The following THSD7A variants were observed in gnomAD, a reference collection of about 807,000 sequenced individuals.
The protein encoded by THSD7A is thrombospondin type-1 domain-containing protein 7A.
THSD7A carries 96 observed loss-of-function variants against 231.3 expected under a neutral mutation model. That is an observed-to-expected ratio of 0.41 (90% confidence interval 0.35 to 0.49). THSD7A has a LOEUF of 0.49. Ranked by LOEUF, THSD7A falls within the 20% of genes least tolerant of loss-of-function variation. The pLI is 0.05. For missense variants in THSD7A, 2,290 were observed against 2,070.2 expected, an observed-to-expected ratio of 1.11 and a Z score of -2.06; for synonymous variants, 940 against 743.3, an observed-to-expected ratio of 1.26 and a Z score of -4.30.
intron 1 of THSD7A, among the ~76,000 whole-genome samples, chr7:11,716,941 T>A (rs1584253842): frequency 6.6e-6 from 1 of 151,550 alleles, no homozygotes; most frequent in Non-Finnish European, 1.5e-5. Context: ...ACGAATACCC[T>A]TTATGAAATA....
chr7:11,806,474 A>G (rs1296228975), intron 1 of THSD7A, among the ~76,000 whole-genome samples: 1 of 152,134 alleles, frequency 6.6e-6, no homozygotes, highest in Non-Finnish European at 1.5e-5. Context: ...TAGTCTACAG[A>G]GCTTAAAAGT....
intron 6 of THSD7A, among the ~76,000 whole-genome samples, chr7:11,531,257 T>C (rs1322180383): frequency 6.6e-6 from 1 of 152,182 alleles, no homozygotes; most frequent in Non-Finnish European, 1.5e-5. Context: ...ATTGGAATTA[T>C]AGCTGAAGCT....
At chr7:11,395,269 T>C (rs1022917163) in intron 23 of THSD7A, among the ~76,000 whole-genome samples, 1 of 152,072 alleles carries the variant, frequency 6.6e-6, no homozygotes, top group Non-Finnish European at 1.5e-5. Context: ...CAAGAACAGC[T>C]AACTATCCCA....
chr7:11,503,205 ATGGGG>A (rs1427222753), intron 6 of THSD7A, among the ~76,000 whole-genome samples: 3 of 152,328 alleles, frequency 2.0e-5, no homozygotes, highest in South Asian at 2.1e-4. Flanking sequence ...AAAACAAGCA[ATGGGG>A]AAAAGACTTC....
In THSD7A at chr7:11,590,759, A is replaced by C. The variant is rs1314414276; in HGVS notation, c.1272-118T>G. On this transcript the variant is annotated intron_variant, in intron 3 of 27. Coordinates refer to ENST00000423059, the MANE Select transcript of THSD7A (RefSeq NM_015204.3). The surrounding 1 kb of genome is among the most constrained non-coding windows in gnomAD (Gnocchi z 4.4). Reference sequence around the variant, plus strand: ...TCAAAATCATTTTCCTAGAGAATCCATCGTAGACTACATCTATGGTGCATA... The same window carrying C: ...TCAAAATCATTTTCCTAGAGAATCCCTCGTAGACTACATCTATGGTGCATA... The C allele has an allele frequency of 8.6e-7, 1 of 1,163,134 alleles. No homozygotes were observed. Among genetic ancestry groups the C allele is most frequent in the African/African-American group, 1.6e-5 (1 of 64,308 alleles). 72.1% of individuals were successfully genotyped at this position (1,163,134 alleles called of 1,614,324 possible). A position where few individuals can be genotyped will look rare whatever the true frequency, so the allele number is the denominator to read the frequency against.
At chr7:11,659,640 A>T (rs1167046732) in intron 1 of THSD7A, among the ~76,000 whole-genome samples, 1 of 151,424 alleles carries the variant, frequency 6.6e-6, no homozygotes, top group Non-Finnish European at 1.5e-5. Context: ...AGGTGGGTAC[A>T]TTCTTGTTAT....
At chr7:11,496,500 C>T (rs893834238) in intron 6 of THSD7A, among the ~76,000 whole-genome samples, 11 of 152,128 alleles carry the variant, frequency 7.2e-5, no homozygotes, top group South Asian at 4.1e-4. Context: ...ACCATATGAC[C>T]TGGGGTTTAG....
Position 11,590,418 on chromosome 7 carries a change from C to G in THSD7A, c.1453+42G>C, listed in dbSNP as rs1562749986. 1 of 1,569,906 alleles carries G rather than the reference C, an allele frequency of 6.4e-7. No individual in the cohort carries two copies. The stretch of plus-strand genomic sequence containing the variant: ...CCTTCAGAGCAATCACATGCTCAGT[C>G]AGTCTTCATAAGTGAATCCTTGAGA... On this transcript the variant is annotated intron_variant, in intron 4 of 27. Coordinates refer to ENST00000423059, the MANE Select transcript of THSD7A (RefSeq NM_015204.3). This position sits in a 1 kb window ranked among gnomAD's most constrained non-coding sequence, Gnocchi z 4.4.
At chr7:11,729,107 A>G (rs1392511503) in intron 1 of THSD7A, among the ~76,000 whole-genome samples, 1 of 151,876 alleles carries the variant, frequency 6.6e-6, no homozygotes, top group African/African-American at 2.4e-5. Flanking sequence ...ATTTGTGAGT[A>G]AACTTTATGT....
chr7:11,614,881 G>C lies in THSD7A; in HGVS notation c.1022+21249C>G, dbSNP rs141457951. Among the ~76,000 whole-genome samples, 149 of 152,188 alleles carry C rather than the reference G, an allele frequency of 9.8e-4. 1 individual carries two copies. The highest frequency in any genetic ancestry group is 3.5e-3 in the African/African-American group (146 of 41,516). ...AAGTGCAGTGACTAATGAGACTTTG[G>C]GGAGAAGGTGAATATATTTTCCTTT... is the stretch of plus-strand genomic sequence containing the variant. On this transcript the variant is annotated intron_variant, in intron 2 of 27. Coordinates refer to ENST00000423059, the MANE Select transcript of THSD7A (RefSeq NM_015204.3).
At chr7:11,591,361 C>T (rs2078040893) in intron 3 of THSD7A, among the ~76,000 whole-genome samples, 1 of 152,024 alleles carries the variant, frequency 6.6e-6, no homozygotes, top group African/African-American at 2.4e-5. Context: ...GGAAATATTT[C>T]TCGATGCCAC....
chr7:11,557,537 C>T (rs966699361), intron 4 of THSD7A, among the ~76,000 whole-genome samples: 1 of 152,048 alleles, frequency 6.6e-6, no homozygotes, highest in Non-Finnish European at 1.5e-5. Flanking sequence ...GAAACCCAGA[C>T]ATTTTTGCCT....
chr7:11,664,867 T>A (rs778687105), intron 1 of THSD7A, among the ~76,000 whole-genome samples: 1 of 152,020 alleles, frequency 6.6e-6, no homozygotes, highest in East Asian at 1.9e-4. Context: ...TGTTTTTCCT[T>A]ATCTTCTCTT....
At chr7:11,668,248 C>A (rs756232327) in intron 1 of THSD7A, among the ~76,000 whole-genome samples, 1 of 152,032 alleles carries the variant, frequency 6.6e-6, no homozygotes, top group African/African-American at 2.4e-5. Context: ...GAAACCCTGT[C>A]TCTAGTAAAA....
chr7:11,522,522 T>A (rs1788308946), intron 6 of THSD7A, among the ~76,000 whole-genome samples: 1 of 152,214 alleles, frequency 6.6e-6, no homozygotes, highest in African/African-American at 2.4e-5. Context: ...TGACTGCTTT[T>A]TATTTTCGGT....
intron 1 of THSD7A, among the ~76,000 whole-genome samples, chr7:11,678,551 A>G (rs1211826782): frequency 6.6e-6 from 1 of 152,216 alleles, no homozygotes; most frequent in Non-Finnish European, 1.5e-5. Flanking sequence ...AACTACCATC[A>G]GAGAATACTA....
At chr7:11,593,137 T>C (rs1780229752) in intron 3 of THSD7A, 117 bp downstream of exon 3, 1 of 1,382,548 alleles carries the variant, frequency 7.2e-7, no homozygotes, top group South Asian at 1.5e-5. Context: ...GGATACTGTT[T>C]GTAAAGATAT....
At chr7:11,546,491 C>A (rs1239318594) in intron 4 of THSD7A, among the ~76,000 whole-genome samples, 1 of 152,130 alleles carries the variant, frequency 6.6e-6, no homozygotes, top group Non-Finnish European at 1.5e-5. Context: ...GGAAATGAAG[C>A]CAGTTGACTG....
At chr7:11,487,461 T>C (rs1049338742) in intron 6 of THSD7A, among the ~76,000 whole-genome samples, 10 of 152,164 alleles carry the variant, frequency 6.6e-5, no homozygotes, top group African/African-American at 1.7e-4. Flanking sequence ...GTTTAGCAAT[T>C]GAGCAAGAAT....
Sources: allele counts gnomAD v4.1 joint callset (sites outside exome capture counted in the v4.1 genomes callset), GRCh38; gene constraint gnomAD v4.1.1; non-coding constraint Gnocchi (gnomAD v3.1); transcripts MANE v1.5; gene names NCBI Gene and HGNC (gene_info 2026-07-23, HGNC 2026-07-21).